The following NAALADL2 variants were observed in gnomAD, a reference collection of about 807,000 sequenced individuals.
NAALADL2 encodes the protein inactive N-acetylated-alpha-linked acidic dipeptidase-like protein 2.
Under a neutral mutation model 87.2 loss-of-function variants are expected in NAALADL2, and 76 were observed. The observed-to-expected ratio is 0.87, with a 90% CI of 0.72 to 1.05. NAALADL2 has a LOEUF of 1.05. Among genes scored for constraint, NAALADL2 ranks in the 50% least tolerant of loss-of-function variants. NAALADL2 has a pLI of 0.00. For missense variants in NAALADL2, 1,089 were observed against 945.8 expected, an observed-to-expected ratio of 1.15 and a Z score of -1.99; for synonymous variants, 354 against 331.0, an observed-to-expected ratio of 1.07 and a Z score of -0.75.
At chr3:174,953,343 C>T (rs1184964814) in intron 1 of NAALADL2, among the ~76,000 whole-genome samples, 2 of 90,804 alleles carry the variant, frequency 2.2e-5, no homozygotes, top group Admixed American at 2.7e-4. Flanking sequence ...CCCCTCCCCT[C>T]CCCTCCTCTT....
chr3:174,737,955 C>A (rs1733377252), intron 3 of NAALADL2, among the ~76,000 whole-genome samples: 2 of 151,854 alleles, frequency 1.3e-5, no homozygotes, highest in Non-Finnish European at 2.9e-5. Flanking sequence ...CTTTGGGTAG[C>A]ATTATATAAA....
chr3:175,101,542 C>T (rs1334516691), intron 2 of NAALADL2, among the ~76,000 whole-genome samples: 1 of 152,166 alleles, frequency 6.6e-6, no homozygotes, highest in Non-Finnish European at 1.5e-5. Context: ...AAAGAAATGA[C>T]ATATACACAC....
intron 2 of NAALADL2, among the ~76,000 whole-genome samples, chr3:175,164,573 T>G: frequency 6.6e-6 from 1 of 152,178 alleles, no homozygotes; most frequent in East Asian, 1.9e-4. Context: ...CAAGTACATA[T>G]TGCAAATTGG....
chr3:175,145,659 A>G (rs1207086525), intron 2 of NAALADL2, among the ~76,000 whole-genome samples: 1 of 150,954 alleles, frequency 6.6e-6, no homozygotes, highest in Non-Finnish European at 1.5e-5. Flanking sequence ...TCAATTTTGT[A>G]TTACTGTCTT....
intron 5 of NAALADL2, among the ~76,000 whole-genome samples, chr3:175,347,980 G>A (rs972307429): frequency 3.3e-5 from 5 of 152,056 alleles, no homozygotes; most frequent in Non-Finnish European, 7.3e-5. Flanking sequence ...GTGAGAACAT[G>A]CAGTGTTTGG....
rs554235386 is a variant in NAALADL2, at chr3:175,807,279, G to A, written c.*4076G>A. ...AATTGACTTTTTAAATTAAATAAAC[G>A]TAGAGCATATAGTAAGTTTCCCCAC... On this transcript the variant is annotated 3_prime_UTR_variant, in exon 14 of 14. Transcript: ENST00000454872. 13 of 151,940 alleles carry A rather than the reference G, an allele frequency of 8.6e-5. No individual in the cohort carries two copies. The highest frequency in any genetic ancestry group is 2.6e-4 in the Admixed American group (4 of 15,210). 9.4% of individuals were successfully genotyped at this position (151,940 alleles called of 1,614,324 possible). A position where few individuals can be genotyped will look rare whatever the true frequency, so the allele number is the denominator to read the frequency against.
intron 3 of NAALADL2, among the ~76,000 whole-genome samples, chr3:174,822,515 A>G (rs1422657500): frequency 6.6e-6 from 1 of 152,138 alleles, no homozygotes; most frequent in Non-Finnish European, 1.5e-5. Context: ...GAGCTGCGTA[A>G]CTGTTACAGG....
At chr3:175,238,332 G>C (rs532453382) in intron 3 of NAALADL2, among the ~76,000 whole-genome samples, 11 of 152,172 alleles carry the variant, frequency 7.2e-5, no homozygotes, top group Non-Finnish European at 1.0e-4. Context: ...AGAAAATAAA[G>C]TTAACTGTAG....
At chr3:175,218,237 G>C (rs1417617413) in intron 2 of NAALADL2, 2 of 305,896 alleles carry the variant, frequency 6.5e-6, no homozygotes, top group African/African-American at 2.2e-5. Flanking sequence ...TTAGTCAAAG[G>C]ATACTTATTA....
chr3:175,368,762 G>A (rs984296900), intron 5 of NAALADL2, among the ~76,000 whole-genome samples: 4 of 152,004 alleles, frequency 2.6e-5, no homozygotes, highest in Non-Finnish European at 4.4e-5. Context: ...AGGTTATGTC[G>A]TATAGCTTAT....
intron 5 of NAALADL2, among the ~76,000 whole-genome samples, chr3:175,414,617 T>A (rs1165711628): frequency 6.6e-6 from 1 of 152,214 alleles, no homozygotes; most frequent in African/African-American, 2.4e-5. Context: ...GTTAAAATGT[T>A]AGTGCCAGTC....
chr3:174,810,247 C>A (rs748034589), intron 3 of NAALADL2, among the ~76,000 whole-genome samples: 1 of 151,960 alleles, frequency 6.6e-6, no homozygotes, highest in African/African-American at 2.4e-5. Context: ...GGGTAATGGA[C>A]AGAGGGTGAA....
chr3:175,733,422 C>A (rs1744056194), intron 11 of NAALADL2, among the ~76,000 whole-genome samples: 1 of 152,134 alleles, frequency 6.6e-6, no homozygotes, highest in Non-Finnish European at 1.5e-5. Flanking sequence ...TCATGAGACC[C>A]ATTCACTATC....
chr3:174,666,081 A>C (rs1045957834), intron 2 of NAALADL2, among the ~76,000 whole-genome samples: 15 of 152,160 alleles, frequency 9.9e-5, no homozygotes, highest in African/African-American at 3.6e-4. Context: ...TTAGGATGTC[A>C]ACATATCATT....
At chr3:175,243,147 C>T (rs1404544425) in intron 3 of NAALADL2, among the ~76,000 whole-genome samples, 1 of 145,358 alleles carries the variant, frequency 6.9e-6, no homozygotes, top group African/African-American at 2.6e-5. Context: ...TCCTATGAAC[C>T]ACCTTTTGCC....
At chr3:174,654,060 T>TTGTGTGTG (rs137877260) in intron 2 of NAALADL2, among the ~76,000 whole-genome samples, 1,459 of 144,048 alleles carry the variant, frequency 0.01, 28 homozygotes, top group African/African-American at 0.034. Context: ...TAAGATGGCT[T>TTGTGTGTG]TGTGTGTGTG....
intron 6 of NAALADL2, among the ~76,000 whole-genome samples, chr3:175,456,886 CT>C (rs1722395304): frequency 6.6e-6 from 1 of 152,008 alleles, no homozygotes; most frequent in Admixed American, 6.6e-5. Context: ...GAGTTTCTGT[CT>C]TTTCTTGACT....
intron 1 of NAALADL2, among the ~76,000 whole-genome samples, chr3:174,937,871 A>G (rs1737935988): frequency 6.6e-6 from 1 of 152,110 alleles, no homozygotes; most frequent in Non-Finnish European, 1.5e-5. Flanking sequence ...TTTATTTTAT[A>G]TAGATATACC....
intron 10 of NAALADL2, among the ~76,000 whole-genome samples, chr3:175,605,565 C>T (rs1259661435): frequency 6.6e-6 from 1 of 151,058 alleles, no homozygotes; most frequent in Non-Finnish European, 1.5e-5. Flanking sequence ...TCAATGTAAG[C>T]ATATGTTTTA....
Sources: gnomAD v4.1 joint callset for allele counts (sites outside exome capture counted in the v4.1 genomes callset) on GRCh38, gnomAD v4.1.1 for gene constraint, MANE v1.5 for transcripts, NCBI Gene and HGNC (gene_info 2026-07-23, HGNC 2026-07-21) for gene names.